DIAPH2: variants seen among roughly 807,000 people sequenced by gnomAD.
The protein encoded by DIAPH2 is protein diaphanous homolog 2.
Under a neutral mutation model 92.7 loss-of-function variants are expected in DIAPH2, and 35 were observed. The ratio of observed to expected loss-of-function variants is 0.38; its 90% CI spans 0.29 to 0.50. The LOEUF is 0.50. Ranked by LOEUF, DIAPH2 falls within the 20% of genes least tolerant of loss-of-function variation. DIAPH2 has a pLI of 0.94. For missense variants in DIAPH2, 701 were observed against 819.5 expected (o/e 0.86, Z 1.77); for synonymous variants, 301 against 280.4 (o/e 1.07, Z -0.73).
intron 23 of DIAPH2, among the ~76,000 whole-genome samples, chrX:97,324,906 T>A (rs1279138324): frequency 9.0e-6 from 1 of 111,320 alleles, no homozygotes; most frequent in Non-Finnish European, 1.9e-5. Context: ...TTCAAGCGAT[T>A]CTCCTGCCTC....
intron 22 of DIAPH2, among the ~76,000 whole-genome samples, chrX:97,152,851 G>A: frequency 9.6e-6 from 1 of 103,703 alleles, no homozygotes; most frequent in East Asian, 3.1e-4. Flanking sequence ...GGCATTTTAA[G>A]TTTAAGATTC....
intron 26 of DIAPH2, among the ~76,000 whole-genome samples, chrX:97,432,366 C>T (rs1203515682): frequency 9.0e-6 from 1 of 110,735 alleles, no homozygotes; most frequent in Non-Finnish European, 1.9e-5. Flanking sequence ...GCGATCTCGG[C>T]CCACTGCAAC....
intron 5 of DIAPH2, among the ~76,000 whole-genome samples, chrX:96,899,202 C>T (rs1386515836): frequency 1.9e-5 from 2 of 107,030 alleles, no homozygotes; most frequent in East Asian, 2.9e-4. Flanking sequence ...ATTGACTTGG[C>T]GATGTGGGCT....
intron 26 of DIAPH2, among the ~76,000 whole-genome samples, chrX:97,445,590 CTTA>C (rs1740684589): frequency 9.4e-6 from 1 of 106,691 alleles, no homozygotes; most frequent in South Asian, 4.1e-4. Context: ...GCTAATTTTT[CTTA>C]TTGTTTTTTG....
chrX:97,312,214 T>TA (rs2068800325), intron 23 of DIAPH2, among the ~76,000 whole-genome samples: 1 of 111,039 alleles, frequency 9.0e-6, no homozygotes, highest in Non-Finnish European at 1.9e-5. Context: ...GCTTGGAGGT[T>TA]AAAAGCAAGA....
chrX:96,711,606 T>G (rs1173086023), intron 1 of DIAPH2, among the ~76,000 whole-genome samples: 1 of 111,546 alleles, frequency 9.0e-6, no homozygotes, highest in African/African-American at 3.3e-5. Flanking sequence ...AATTAACAAC[T>G]GGTTAGAGTA....
chrX:97,198,675 C>G (rs1189535783), intron 22 of DIAPH2, among the ~76,000 whole-genome samples: 1 of 111,043 alleles, frequency 9.0e-6, no homozygotes, highest in Non-Finnish European at 1.9e-5. Flanking sequence ...ATGATCCATG[C>G]CAGCTACTGC....
intron 24 of DIAPH2, among the ~76,000 whole-genome samples, chrX:97,370,258 A>G (rs2069433518): frequency 9.0e-6 from 1 of 111,731 alleles, no homozygotes; most frequent in Non-Finnish European, 1.9e-5. Flanking sequence ...CCCAAAGGAC[A>G]GATAAATTTT....
chrX:97,093,645 A>C (rs1279757278), intron 19 of DIAPH2, among the ~76,000 whole-genome samples: 1 of 112,421 alleles, frequency 8.9e-6, no homozygotes. Flanking sequence ...TAAACAAAAT[A>C]AAAGGTAAAT....
chrX:97,004,500 G>C (rs1461497452), intron 17 of DIAPH2, among the ~76,000 whole-genome samples: 2 of 111,343 alleles, frequency 1.8e-5, no homozygotes, highest in Non-Finnish European at 3.8e-5. Context: ...ATCTTTTAGA[G>C]TTTTCATGGT....
chrX:97,344,824 A>C (rs887213649), intron 23 of DIAPH2, among the ~76,000 whole-genome samples: 22 of 112,400 alleles, frequency 2.0e-4, no homozygotes, highest in African/African-American at 5.5e-4. Flanking sequence ...GGGAACATAC[A>C]AATTTTCCCT....
At chrX:97,067,844 A>G (rs2066643923) in intron 17 of DIAPH2, among the ~76,000 whole-genome samples, 2 of 111,350 alleles carry the variant, frequency 1.8e-5, no homozygotes, top group South Asian at 7.6e-4. Context: ...CAATTTATCC[A>G]TTTCATAACC....
intron 22 of DIAPH2, among the ~76,000 whole-genome samples, chrX:97,151,734 G>A (rs1457043668): frequency 9.0e-6 from 1 of 111,477 alleles, no homozygotes; most frequent in Non-Finnish European, 1.9e-5. Flanking sequence ...TTCAATGTCA[G>A]TAAAAAGAAT....
intron 24 of DIAPH2, among the ~76,000 whole-genome samples, chrX:97,355,645 T>C (rs190773081): frequency 2.5e-3 from 283 of 111,455 alleles, no homozygotes; most frequent in African/African-American, 9.0e-3. Context: ...TTTAATGATA[T>C]AGTTTTTTTT....
intron 24 of DIAPH2, among the ~76,000 whole-genome samples, chrX:97,365,104 C>T (rs750446183): frequency 9.0e-6 from 1 of 111,314 alleles, no homozygotes; most frequent in South Asian, 3.9e-4. Flanking sequence ...CCATTTCATA[C>T]CCAGCTTATG....
At chrX:96,809,199 T>G (rs1372987519) in intron 4 of DIAPH2, among the ~76,000 whole-genome samples, 1 of 110,954 alleles carries the variant, frequency 9.0e-6, no homozygotes, top group African/African-American at 3.3e-5. Flanking sequence ...TTCTGGAAAC[T>G]TCTTCCTAGT....
At chrX:97,418,268 A>C (rs980318252) in intron 25 of DIAPH2, among the ~76,000 whole-genome samples, 87 of 112,345 alleles carry the variant, frequency 7.7e-4, no homozygotes, top group African/African-American at 2.8e-3. Flanking sequence ...ATAATGAAAG[A>C]AAGAAGAACA....
At chrX:97,362,873 C>G (rs2069338874) in intron 24 of DIAPH2, among the ~76,000 whole-genome samples, 1 of 112,364 alleles carries the variant, frequency 8.9e-6, no homozygotes, top group Non-Finnish European at 1.9e-5. Context: ...TTATAAAGTT[C>G]CATTGTGCAA....
At chrX:97,001,589 C>T (rs1011233989) in intron 17 of DIAPH2, among the ~76,000 whole-genome samples, 5 of 110,831 alleles carry the variant, frequency 4.5e-5, no homozygotes, top group Non-Finnish European at 7.6e-5. Context: ...GAGGTTGCAG[C>T]GAGCCTAGAT....
Sources: allele counts gnomAD v4.1 joint callset (sites outside exome capture counted in the v4.1 genomes callset), GRCh38; gene constraint gnomAD v4.1.1; transcripts MANE v1.5; gene names NCBI Gene and HGNC (gene_info 2026-07-23, HGNC 2026-07-21).